Variants in TTYH2 observed in about 807,000 individuals in gnomAD.
TTYH2 encodes protein tweety homolog 2.
Under a neutral mutation model 68.3 loss-of-function variants are expected in TTYH2, and 49 were observed. The ratio of observed to expected loss-of-function variants is 0.72; its 90% CI spans 0.57 to 0.91. The LOEUF (loss-of-function observed/expected upper bound fraction) is 0.91. TTYH2 is among the 40% of genes least tolerant of loss of function. The pLI is 0.00. For synonymous variants in TTYH2, 272 were observed against 300.8 expected (o/e 0.90, Z 0.99); for missense variants, 631 against 700.4 (o/e 0.90, Z 1.12).
In TTYH2 at chr17:74,222,752, T is replaced by A; in HGVS notation, c.302+95T>A. On this transcript the variant is annotated intron_variant, in intron 2 of 13. Transcript: ENST00000269346. This position sits in a 1 kb window ranked among gnomAD's most constrained non-coding sequence, Gnocchi z 5.2. ...ATGTTCTGACGGAGCTCCAGCTACC[T>A]TGATGGAAAAGCTTGTCCCCAGATG... 1 of 1,374,570 alleles carries A rather than the reference T, an allele frequency of 7.3e-7. No homozygotes were observed. The highest frequency in any genetic ancestry group is 9.6e-7 in the Non-Finnish European group (1 of 1,043,926). 85.1% of individuals were successfully genotyped at this position (1,374,570 alleles called of 1,614,324 possible).
intron 6 of TTYH2, among the ~76,000 whole-genome samples, chr17:74,246,902 G>T (rs2050563736): frequency 6.6e-6 from 1 of 152,104 alleles, no homozygotes; most frequent in South Asian, 2.1e-4. Flanking sequence ...CATCAGATCT[G>T]CCAGGTGTGG....
Position 74,225,117 on chromosome 17 carries a change from A to G in TTYH2, c.302+2460A>G, listed in dbSNP as rs533073183. On this transcript the variant is annotated intron_variant, in intron 2 of 13. Transcript: ENST00000269346. ...CTGGGTGACATGGGCACCCAAACCC[A>G]TAGGATGAGAAGGCGTTAACTTGGC... is the stretch of plus-strand genomic sequence containing the variant. Among the ~76,000 whole-genome samples the G allele has an allele frequency of 4.1e-4, 63 of 152,238 alleles. 1 individual carries two copies. The highest frequency in any genetic ancestry group is 6.6e-4 in the Non-Finnish European group (45 of 68,018).
At position 74,227,983 on chromosome 17, in the gene TTYH2, C is replaced by CTTTTTTTTTTTTTTTTTT. The variant is rs35080135; in HGVS notation, c.303-2904_303-2887dup. 1.6e-4 allele frequency among the ~76,000 whole-genome samples: 18 copies of CTTTTTTTTTTTTTTTTTT among 112,556 alleles called. 2 individuals are homozygous for CTTTTTTTTTTTTTTTTTT. The highest frequency in any genetic ancestry group is 6.0e-4 in the African/African-American group (13 of 21,536). The allele number at this position is 112,556 out of a possible 152,430, so 73.8% of individuals were successfully genotyped here. A position where few individuals can be genotyped will look rare whatever the true frequency, so the allele number is the denominator to read the frequency against. ...GAAGGAGGTTTCTTTTCTTTTCTTT[C>CTTTTTTTTTTTTTTTTTT]TTTTTTTTTTTTTTTTTTGAGATAG... On this transcript the variant is annotated intron_variant, in intron 2 of 13. Transcript: ENST00000269346.
intron 3 of TTYH2, among the ~76,000 whole-genome samples, chr17:74,236,230 C>G (rs1484981333): frequency 6.6e-6 from 1 of 152,190 alleles, no homozygotes; most frequent in Non-Finnish European, 1.5e-5. Flanking sequence ...CCAGGCTCCT[C>G]AGAGACAGGA....
At chr17:74,248,261 C>A in intron 6 of TTYH2, 1 of 985,642 alleles carries the variant, frequency 1.0e-6, no homozygotes, top group Non-Finnish European at 1.2e-6. Context: ...CCCTAGAGCA[C>A]CCCAGGCCAG....
rs556396812 is a variant in TTYH2, at chr17:74,215,701, C to A, written c.129+1985C>A. On this transcript the variant is annotated intron_variant, in intron 1 of 13. Coordinates refer to ENST00000269346, the MANE Select transcript of TTYH2 (RefSeq NM_032646.6). This position sits in a 1 kb window ranked among gnomAD's most constrained non-coding sequence, Gnocchi z 4.3. ...TGGCTCTGGGTGTTATTTAAGGTGG[C>A]TCCTGTTTTTGGTAAGTTCCCCTGT... 1 of 1,533,462 alleles carries A rather than the reference C, an allele frequency of 6.5e-7. No homozygotes were observed. The highest frequency in any genetic ancestry group is 8.7e-7 in the Non-Finnish European group (1 of 1,146,892). The allele number at this position is 1,533,462 out of a possible 1,614,324, so 95.0% of individuals were successfully genotyped here. A position where few individuals can be genotyped will look rare whatever the true frequency, so the allele number is the denominator to read the frequency against.
Position 74,213,658 on chromosome 17 carries a change from G to A in TTYH2, c.71G>A (p.Gly24Asp). 1 of 1,612,632 alleles carries A rather than the reference G, an allele frequency of 6.2e-7. No individual in the cohort carries two copies. Among genetic ancestry groups the A allele is most frequent in the Non-Finnish European group, 8.5e-7 (1 of 1,179,646 alleles). The change falls in exon 1 of 14, where the codon GGC becomes GAC. Residue 24 changes from glycine (G) to aspartate (D), a missense_variant. Gly to Asp is a moderately conservative substitution (Grantham distance 94, BLOSUM62 -1). Coordinates refer to ENST00000269346, the MANE Select transcript of TTYH2 (RefSeq NM_032646.6). The surrounding 1 kb of genome is among the most constrained non-coding windows in gnomAD (Gnocchi z 6.1). ...TGGCTGCACAGCGTCCCGCACGTCG[G>A]CCTGCGCCTGCAGCCCGTGAACAGC... ...VVWLHSVPHV[G>D]LRLQPVNSTF...
Position 74,243,364 on chromosome 17 carries a change from C to T in TTYH2, c.636-10C>T. On this transcript the variant is annotated splice_polypyrimidine_tract_variant and intron_variant, in intron 4 of 13. Transcript: ENST00000269346. The stretch of plus-strand genomic sequence containing the variant: ...CTGCTGCTCCTGACCATCCCTGCCC[C>T]TCTACCCAGGTGGCTCTCCTACCTC... 6.2e-7 allele frequency: 1 copy of T among 1,613,458 alleles called. No homozygotes were observed.
intron 4 of TTYH2, among the ~76,000 whole-genome samples, chr17:74,240,536 T>C (rs1420735656): frequency 1.3e-5 from 2 of 152,090 alleles, no homozygotes; most frequent in East Asian, 3.9e-4. Context: ...TGCTTCCATC[T>C]GTGGCTTCTC....
At position 74,220,166 on chromosome 17, in the gene TTYH2, G is replaced by C. The variant is rs1343254714; in HGVS notation, c.130-2319G>C. Among the ~76,000 whole-genome samples the C allele has an allele frequency of 3.9e-5, 6 of 152,172 alleles. No individual in the cohort carries two copies. The East Asian group carries it at 1.2e-3, about 29-fold the overall frequency. ...TCGCTGGTTTGCAAATGATTAAGAGGATCCCTGGGCTTTAGCAGAGAGGCC... is the reference window on the plus strand; with the variant it reads ...TCGCTGGTTTGCAAATGATTAAGAGCATCCCTGGGCTTTAGCAGAGAGGCC... On this transcript the variant is annotated intron_variant, in intron 1 of 13. Transcript: ENST00000269346.
chr17:74,237,185 C>A, intron 3 of TTYH2, 109 bp from the exon 4 acceptor site: 2 of 1,061,814 alleles, frequency 1.9e-6, no homozygotes, highest in South Asian at 1.5e-5. Context: ...CAGGCATGAG[C>A]GTAATTATCG....
At chr17:74,227,707 T>C (rs1441841044) in intron 2 of TTYH2, among the ~76,000 whole-genome samples, 2 of 151,958 alleles carry the variant, frequency 1.3e-5, no homozygotes, top group African/African-American at 4.8e-5. Context: ...AGGGGGTGTG[T>C]GTAAGAGAGA....
At chr17:74,216,597 C>T (rs186299406) in intron 1 of TTYH2, among the ~76,000 whole-genome samples, 73 of 152,330 alleles carry the variant, frequency 4.8e-4, no homozygotes, top group African/African-American at 1.5e-3. Flanking sequence ...ATCCTCACCC[C>T]TCTCCCCCCA....
chr17:74,222,163 A>C lies in TTYH2; in HGVS notation c.130-322A>C, dbSNP rs1598213919. Among the ~76,000 whole-genome samples, 1 of 151,358 alleles carries C rather than the reference A, an allele frequency of 6.6e-6. No individual in the cohort carries two copies. The highest frequency in any genetic ancestry group is 1.5e-5 in the Non-Finnish European group (1 of 67,864). ...CTGCCTTGTCTCCTGAGTGGCTCGG[A>C]CTCTTCATCAGCAGGGCCTGGTCCG... is the stretch of plus-strand genomic sequence containing the variant. On this transcript the variant is annotated intron_variant, in intron 1 of 13. Coordinates refer to ENST00000269346, the MANE Select transcript of TTYH2 (RefSeq NM_032646.6). This position sits in a 1 kb window ranked among gnomAD's most constrained non-coding sequence, Gnocchi z 5.2.
rs2050453276 is a variant in TTYH2 at position 74,237,307 on chromosome 17, C to T, written c.428C>T (p.Thr143Ile). ...GCTCCTCCCTAGGTTTCCGGAACTACCCAGAAGATGAAGGTGGACCTAGAG... is the reference window on the plus strand; with the variant it reads ...GCTCCTCCCTAGGTTTCCGGAACTATCCAGAAGATGAAGGTGGACCTAGAG... ...SGIDALVSGT[T>I]QKMKVDLEQH... The change falls in exon 4 of 14, where the codon ACC becomes ATC. Residue 143 changes from threonine to isoleucine, a missense_variant. Transcript: ENST00000269346. 1 of 1,613,984 alleles carries T rather than the reference C, an allele frequency of 6.2e-7. No homozygotes were observed. The highest frequency in any genetic ancestry group is 1.7e-5 in the Admixed American group (1 of 59,992).
chr17:74,221,600 C>T (rs1044778011), intron 1 of TTYH2, among the ~76,000 whole-genome samples: 3 of 152,198 alleles, frequency 2.0e-5, no homozygotes, highest in Non-Finnish European at 4.4e-5. Flanking sequence ...GGCTGGCGGC[C>T]GCCAATCCCG....
intron 6 of TTYH2, among the ~76,000 whole-genome samples, chr17:74,246,761 A>G (rs2050562371): frequency 6.6e-6 from 1 of 152,138 alleles, no homozygotes; most frequent in Admixed American, 6.5e-5. Flanking sequence ...GTTTGATTGG[A>G]CTCACAGTTC....
Position 74,253,629 on chromosome 17 carries a change from C to T in TTYH2, c.1446-126C>T, listed in dbSNP as rs972242153. On this transcript the variant is annotated intron_variant, in intron 12 of 13. Transcript: ENST00000269346. ...ATATCTGCCCACTGCACCCCCTCCA[C>T]TCTATCTGTGGTTTGGTTCCATCCC... The T allele has an allele frequency of 1.0e-5, 9 of 892,304 alleles. No individual in the cohort carries two copies. In the African/African-American group the frequency reaches 1.5e-4, roughly 15 times the overall value. 55.3% of individuals were successfully genotyped at this position (892,304 alleles called of 1,614,324 possible). A position where few individuals can be genotyped will look rare whatever the true frequency, so the allele number is the denominator to read the frequency against.
At chr17:74,251,377 A>G (rs9899499) in intron 10 of TTYH2, among the ~76,000 whole-genome samples, 61,188 of 129,918 alleles carry the variant, frequency 0.47, 13,175 homozygotes, top group African/African-American at 0.58. Flanking sequence ...TGGGGGGTGC[A>G]TGTGTGTGGG....
Sources: gnomAD v4.1 joint callset for allele counts (sites outside exome capture counted in the v4.1 genomes callset) on GRCh38, gnomAD v4.1.1 for gene constraint, Gnocchi (gnomAD v3.1) non-coding constraint, MANE v1.5 for transcripts, NCBI Gene and HGNC (gene_info 2026-07-23, HGNC 2026-07-21) for gene names.